Variants in ZCCHC4 observed in about 807,000 individuals in gnomAD.
ZCCHC4 encodes zinc finger CCHC-type containing 4, also known as rRNA N(6)-adenosine-methyltransferase ZCCHC4.
ZCCHC4 carries 54 observed loss-of-function variants against 67.7 expected under a neutral mutation model. The observed-to-expected ratio is 0.80, with a 90% CI of 0.64 to 1.00. The LOEUF (loss-of-function observed/expected upper bound fraction) is 1.00, where lower values mean the gene tolerates loss of function less well. ZCCHC4 is among the 50% of genes least tolerant of loss of function. ZCCHC4 has a pLI of 0.00. For missense variants in ZCCHC4, 609 were observed against 617.0 expected (o/e 0.99, Z 0.14); for synonymous variants, 198 against 213.5 (o/e 0.93, Z 0.63).
chr4:25,358,698 G>T (rs1389258327), intron 8 of ZCCHC4, among the ~76,000 whole-genome samples: 2 of 152,210 alleles, frequency 1.3e-5, no homozygotes, highest in African/African-American at 4.8e-5. Context: ...ATGACTCAGC[G>T]GGTTTGGAGC....
intron 3 of ZCCHC4, among the ~76,000 whole-genome samples, chr4:25,323,942 G>T (rs2109054362): frequency 6.7e-6 from 1 of 149,722 alleles, no homozygotes; most frequent in East Asian, 2.0e-4. Flanking sequence ...TCTGCTTTCT[G>T]TCACTATAGA....
chr4:25,352,583 C>A, intron 8 of ZCCHC4: 1 of 195,466 alleles, frequency 5.1e-6, no homozygotes, highest in Non-Finnish European at 9.3e-6. Context: ...TAATTTTTTT[C>A]CCCTGTATTT....
chr4:25,369,438 T>G lies in ZCCHC4; in HGVS notation c.*274T>G, dbSNP rs1721064312. 2.8e-6 allele frequency: 1 copy of G among 352,558 alleles called. No individual in the cohort carries two copies. 21.8% of individuals were successfully genotyped at this position (352,558 alleles called of 1,614,324 possible). A position where few individuals can be genotyped will look rare whatever the true frequency, so the allele number is the denominator to read the frequency against. ...CCAGTCACATTGTTCTATTTTTATG[T>G]TTTCATTTTTTTTGAGATGGAGTCT... On this transcript the variant is annotated 3_prime_UTR_variant, in exon 13 of 13. Coordinates refer to ENST00000302874, the MANE Select transcript of ZCCHC4 (RefSeq NM_024936.3).
intron 3 of ZCCHC4, among the ~76,000 whole-genome samples, chr4:25,325,277 C>T: frequency 6.7e-6 from 1 of 148,540 alleles, no homozygotes; most frequent in Non-Finnish European, 1.5e-5. Flanking sequence ...ATATTTTCTG[C>T]CATTCTTGGG....
intron 10 of ZCCHC4, among the ~76,000 whole-genome samples, chr4:25,362,996 A>G (rs1720810864): frequency 6.6e-6 from 1 of 152,058 alleles, no homozygotes; most frequent in African/African-American, 2.4e-5. Context: ...GTTACAACTG[A>G]TGGGCCTGCG....
At chr4:25,364,731 T>C (rs1720876542) in intron 11 of ZCCHC4, among the ~76,000 whole-genome samples, 1 of 152,230 alleles carries the variant, frequency 6.6e-6, no homozygotes, top group Non-Finnish European at 1.5e-5. Context: ...TGGTTTGACT[T>C]ATTTTAATAA....
intron 8 of ZCCHC4, chr4:25,351,946 A>G: frequency 9.0e-7 from 1 of 1,117,310 alleles, no homozygotes; most frequent in Non-Finnish European, 1.1e-6. Context: ...TATCTCACCA[A>G]GCTCCTTGGG....
chr4:25,349,241 G>A (rs188766891), intron 6 of ZCCHC4, among the ~76,000 whole-genome samples: 28 of 152,308 alleles, frequency 1.8e-4, no homozygotes, highest in African/African-American at 4.8e-4. Flanking sequence ...CATTTGAAAT[G>A]TGTAGTCTTC....
intron 5 of ZCCHC4, among the ~76,000 whole-genome samples, chr4:25,341,392 T>C (rs1369149082): frequency 1.3e-5 from 2 of 152,176 alleles, no homozygotes; most frequent in African/African-American, 2.4e-5. Context: ...AGGTAATAAG[T>C]GAGTTCTCAT....
intron 3 of ZCCHC4, among the ~76,000 whole-genome samples, chr4:25,318,257 C>T (rs186271857): frequency 6.9e-6 from 1 of 144,676 alleles, no homozygotes; most frequent in Non-Finnish European, 1.5e-5. Flanking sequence ...TAATTAAACT[C>T]TGTAAGAAAA....
Position 25,361,859 on chromosome 4 carries a change from G to C in ZCCHC4, c.1012G>C (p.Val338Leu), listed in dbSNP as rs754582636. The C allele has an allele frequency of 6.2e-7, 1 of 1,600,778 alleles. No homozygotes were observed. The change falls in exon 9 of 13, where the codon GTA (valine) becomes CTA (leucine). Residue 338 changes from valine to leucine, a missense_variant and splice_region_variant. Coordinates refer to ENST00000302874, the MANE Select transcript of ZCCHC4 (RefSeq NM_024936.3). The stretch of plus-strand genomic sequence containing the variant: ...TCTGCTCTAATTTTTAACTTTCTAG[G>C]TAGATTATGATAATCATGCACTTTA... ...FPSFQMLDYQVDYDNHALYKH... is the reference protein window; with the variant it reads ...FPSFQMLDYQLDYDNHALYKH...
At chr4:25,367,645 G>T (rs986472567) in intron 12 of ZCCHC4, among the ~76,000 whole-genome samples, 7 of 152,138 alleles carry the variant, frequency 4.6e-5, no homozygotes, top group African/African-American at 1.7e-4. Context: ...ATACTGTAAA[G>T]ATGACTTTTT....
intron 6 of ZCCHC4, among the ~76,000 whole-genome samples, chr4:25,346,135 G>A (rs1294384852): frequency 1.3e-5 from 2 of 151,954 alleles, no homozygotes; most frequent in Middle Eastern, 3.2e-3. Context: ...TTACCACACT[G>A]TAATTAAATG....
At chr4:25,337,230 T>G (rs760476708) in intron 5 of ZCCHC4, among the ~76,000 whole-genome samples, 1 of 152,196 alleles carries the variant, frequency 6.6e-6, no homozygotes, top group Non-Finnish European at 1.5e-5. Context: ...AAAAGAGAAT[T>G]TATTGATTTA....
At position 25,352,388 on chromosome 4, in the gene ZCCHC4, T is replaced by G. The variant is rs112729337; in HGVS notation, c.1011+699T>G. 1.6e-3 allele frequency: 1,535 copies of G among 985,562 alleles called. 16 individuals carry two copies. In the African/African-American group the frequency reaches 0.025, roughly 16 times the overall value. 61.1% of individuals were successfully genotyped at this position (985,562 alleles called of 1,614,324 possible). A position where few individuals can be genotyped will look rare whatever the true frequency, so the allele number is the denominator to read the frequency against. On this transcript the variant is annotated intron_variant, in intron 8 of 12. Transcript: ENST00000302874. Reference sequence around the variant, plus strand: ...TTAACCCTGTTGTCGCCATCACTGTTTATGGTCTTCAGGCAGGTACTGCTT... The same window carrying G: ...TTAACCCTGTTGTCGCCATCACTGTGTATGGTCTTCAGGCAGGTACTGCTT...
intron 8 of ZCCHC4, among the ~76,000 whole-genome samples, chr4:25,358,569 A>G (rs935525242): frequency 7.9e-5 from 12 of 152,244 alleles, no homozygotes; most frequent in African/African-American, 1.4e-4. Context: ...TTTTACTGCT[A>G]CAGAAGCTGT....
chr4:25,333,000 T>C (rs953957512), intron 3 of ZCCHC4, among the ~76,000 whole-genome samples, 183 bp from the exon 4 acceptor site: 3 of 152,248 alleles, frequency 2.0e-5, no homozygotes, highest in Admixed American at 2.0e-4. Context: ...TTTTCCTCTT[T>C]GTAGGTATGC....
chr4:25,352,024 G>GC (rs983249150), intron 8 of ZCCHC4: 46 of 1,011,146 alleles, frequency 4.5e-5, no homozygotes, highest in Middle Eastern at 4.8e-4. Flanking sequence ...AGATTTTGCA[G>GC]CCCCCCCACC....
chr4:25,352,681 G>C (rs1476759867), intron 8 of ZCCHC4: 1 of 152,374 alleles, frequency 6.6e-6, no homozygotes, highest in African/African-American at 2.4e-5. Flanking sequence ...CTCTCAAAGT[G>C]CTGGATTACA....
Sources: gnomAD v4.1 joint callset for allele counts (sites outside exome capture counted in the v4.1 genomes callset) on GRCh38, gnomAD v4.1.1 for gene constraint, MANE v1.5 for transcripts, NCBI Gene and HGNC (gene_info 2026-07-23, HGNC 2026-07-21) for gene names.